The following VPS13B variants were observed in gnomAD, a reference collection of about 807,000 sequenced individuals.
VPS13B encodes the protein intermembrane lipid transfer protein VPS13B.
Under a neutral mutation model 426.4 loss-of-function variants are expected in VPS13B, and 285 were observed. That is an observed-to-expected ratio of 0.67 (90% CI 0.61 to 0.74). VPS13B has a LOEUF of 0.74. Ranked by LOEUF, VPS13B falls within the 30% of genes least tolerant of loss-of-function variation. The pLI is 0.00. For synonymous variants in VPS13B, 1,676 were observed against 1,676.4 expected, an observed-to-expected ratio of 1.00 and a Z score of 0.01; for missense variants, 4,537 against 4,782.6, an observed-to-expected ratio of 0.95 and a Z score of 1.51.
At chr8:99,122,033 T>TA (rs1338411197) in intron 8 of VPS13B, among the ~76,000 whole-genome samples, 2 of 150,434 alleles carry the variant, frequency 1.3e-5, no homozygotes, top group African/African-American at 4.9e-5. Context: ...TTTTTTTTTT[T>TA]AATATTTTGT....
intron 25 of VPS13B, among the ~76,000 whole-genome samples, chr8:99,485,080 G>A (rs1183998342): frequency 2.0e-5 from 3 of 152,130 alleles, no homozygotes; most frequent in Admixed American, 6.5e-5. Flanking sequence ...TCACAACAGA[G>A]CAGGCAAGTT....
intron 39 of VPS13B, among the ~76,000 whole-genome samples, chr8:99,735,368 G>A (rs904936685): frequency 6.6e-6 from 1 of 152,132 alleles, no homozygotes; most frequent in Admixed American, 6.5e-5. Flanking sequence ...GGTCAGACTC[G>A]ATTAGAGTGG....
chr8:99,798,645 GAGGAA>G (rs1476434847), intron 43 of VPS13B, among the ~76,000 whole-genome samples: 10 of 152,162 alleles, frequency 6.6e-5, no homozygotes, highest in African/African-American at 2.4e-4. Flanking sequence ...AAAGCGCCCA[GAGGAA>G]TGGCTGCTGG....
At chr8:99,290,872 T>A (rs1407009204) in intron 19 of VPS13B, among the ~76,000 whole-genome samples, 2 of 151,952 alleles carry the variant, frequency 1.3e-5, no homozygotes, top group East Asian at 3.9e-4. Context: ...ATTTGAAGAT[T>A]TGAATGGGAT....
intron 5 of VPS13B, among the ~76,000 whole-genome samples, chr8:99,107,294 A>G (rs1482462603): frequency 6.6e-6 from 1 of 152,208 alleles, no homozygotes; most frequent in Non-Finnish European, 1.5e-5. Flanking sequence ...ACTTCTATAA[A>G]TCAATAAGAA....
chr8:99,623,129 T>G (rs1377047386), intron 33 of VPS13B, among the ~76,000 whole-genome samples: 4 of 152,112 alleles, frequency 2.6e-5, no homozygotes, highest in African/African-American at 9.7e-5. Flanking sequence ...ATCTAACCCC[T>G]CCATCAGTCT....
At chr8:99,163,900 G>C (rs545665433) in intron 15 of VPS13B, among the ~76,000 whole-genome samples, 1 of 152,368 alleles carries the variant, frequency 6.6e-6, no homozygotes, top group African/African-American at 2.4e-5. Flanking sequence ...TGGGAGCCCA[G>C]GCAGGGGAGG....
In VPS13B at chr8:99,481,765, C is replaced by T. The variant is rs1405859468; in HGVS notation, c.3833C>T (p.Thr1278Ile). The T allele has an allele frequency of 6.2e-7, 1 of 1,613,938 alleles. No individual in the cohort carries two copies. Residue 1278 changes from threonine to isoleucine, a missense_variant, in exon 25 of 62, where the codon ACA (threonine) becomes ATA (isoleucine). This residue lies in a region of VPS13B where 4,311 missense variants were observed against 4,474.3 expected (regional missense o/e 0.96). Transcript: ENST00000357162. Reference protein sequence around the residue: ...SIGTAPPDTSTCSPSADIGTT... With the variant: ...SIGTAPPDTSICSPSADIGTT... Reference sequence around the variant, plus strand: ...GGCACAGCTCCTCCAGATACCAGCACATGCAGCCCATCTGCTGACATTGGG... The same window carrying T: ...GGCACAGCTCCTCCAGATACCAGCATATGCAGCCCATCTGCTGACATTGGG...
chr8:99,831,001 G>A (rs148239683), intron 51 of VPS13B, among the ~76,000 whole-genome samples: 1 of 151,384 alleles, frequency 6.6e-6, no homozygotes. Flanking sequence ...TCCACCTTCT[G>A]TGTTGGTCTC....
At chr8:99,504,870 C>CA (rs1821412358) in intron 27 of VPS13B, among the ~76,000 whole-genome samples, 1 of 152,164 alleles carries the variant, frequency 6.6e-6, no homozygotes, top group African/African-American at 2.4e-5. Context: ...TCTGAGATGG[C>CA]ATCTTCTTCC....
At chr8:99,868,958 A>C (rs956069852) in intron 59 of VPS13B, among the ~76,000 whole-genome samples, 1 of 152,222 alleles carries the variant, frequency 6.6e-6, no homozygotes. Context: ...GTCTGCAACC[A>C]GAAGCCCTTT....
chr8:99,204,118 G>C (rs1472825124), intron 17 of VPS13B, among the ~76,000 whole-genome samples: 2 of 152,126 alleles, frequency 1.3e-5, no homozygotes, highest in African/African-American at 2.4e-5. Context: ...ATGCTACAAG[G>C]TTACTGTAAC....
intron 19 of VPS13B, among the ~76,000 whole-genome samples, chr8:99,352,416 T>C (rs552446530): frequency 5.9e-5 from 9 of 152,306 alleles, no homozygotes; most frequent in South Asian, 2.1e-4. Flanking sequence ...TGATCTCTTA[T>C]GTCATAAATA....
intron 30 of VPS13B, among the ~76,000 whole-genome samples, chr8:99,552,992 C>T (rs1424825028): frequency 6.6e-6 from 1 of 152,134 alleles, no homozygotes; most frequent in African/African-American, 2.4e-5. Flanking sequence ...AGGGCTGTTT[C>T]TAATTCACCC....
At chr8:99,180,101 CTTATT>C (rs926466853) in intron 16 of VPS13B, among the ~76,000 whole-genome samples, 1 of 152,028 alleles carries the variant, frequency 6.6e-6, no homozygotes, top group African/African-American at 2.4e-5. Context: ...CAGTTACATT[CTTATT>C]TTAAGTAGAT....
intron 17 of VPS13B, among the ~76,000 whole-genome samples, chr8:99,239,097 C>T (rs1466880134): frequency 6.6e-6 from 1 of 152,012 alleles, no homozygotes; most frequent in Non-Finnish European, 1.5e-5. Context: ...TAATGAGCAT[C>T]CCAGTGTTAT....
intron 40 of VPS13B, among the ~76,000 whole-genome samples, chr8:99,772,889 T>C (rs1056961114): frequency 3.3e-5 from 5 of 152,222 alleles, no homozygotes; most frequent in Non-Finnish European, 2.9e-5. Context: ...AGAGCAGTGT[T>C]CATGCAGTGG....
intron 36 of VPS13B, among the ~76,000 whole-genome samples, chr8:99,701,597 T>A (rs1832283911): frequency 6.6e-6 from 1 of 152,260 alleles, no homozygotes; most frequent in East Asian, 1.9e-4. Context: ...ATACCCCTAA[T>A]CCTTTTACAA....
chr8:99,860,261 C>T (rs999472889), intron 57 of VPS13B, among the ~76,000 whole-genome samples: 1 of 152,038 alleles, frequency 6.6e-6, no homozygotes, highest in Admixed American at 6.6e-5. Flanking sequence ...ATCCATAGAG[C>T]GGGTGAGGGA....
Sources: gnomAD v4.1 joint callset for allele counts (sites outside exome capture counted in the v4.1 genomes callset) on GRCh38, gnomAD v4.1.1 for gene constraint, gnomAD v4.1.1 regional missense constraint, MANE v1.5 for transcripts, NCBI Gene and HGNC (gene_info 2026-07-23, HGNC 2026-07-21) for gene names.